Variants in ZBTB20 observed in about 807,000 individuals in gnomAD.
ZBTB20 encodes zinc finger and BTB domain-containing protein 20.
ZBTB20 carries 9 observed loss-of-function variants against 56.9 expected under a neutral mutation model. The ratio of observed to expected loss-of-function variants is 0.16; its 90% CI spans 0.10 to 0.28. The LOEUF (loss-of-function observed/expected upper bound fraction) is 0.28. Ranked by LOEUF, ZBTB20 falls within the 10% of genes least tolerant of loss-of-function variation. ZBTB20 has a pLI of 1.00. For missense variants in ZBTB20, 655 were observed against 1,003.0 expected (o/e 0.65, Z 4.69); for synonymous variants, 417 against 420.7 (o/e 0.99, Z 0.11).
intron 1 of ZBTB20, among the ~76,000 whole-genome samples, chr3:115,095,129 T>C (rs2083333024): frequency 6.6e-6 from 1 of 152,126 alleles, no homozygotes; most frequent in African/African-American, 2.4e-5. Context: ...GTAAACATAT[T>C]ATGCTGTAAT....
intron 5 of ZBTB20, among the ~76,000 whole-genome samples, chr3:114,778,966 G>A (rs750144031): frequency 3.9e-5 from 6 of 152,146 alleles, no homozygotes; most frequent in Non-Finnish European, 8.8e-5. Flanking sequence ...GGAGGCTAAA[G>A]AAATTCTAAT....
At chr3:114,561,168 AT>A (rs1312553165) in intron 6 of ZBTB20, among the ~76,000 whole-genome samples, 1 of 152,118 alleles carries the variant, frequency 6.6e-6, no homozygotes, top group African/African-American at 2.4e-5. Flanking sequence ...TTCTCTTGTT[AT>A]TTTCATCACA....
At chr3:114,449,467 G>A (rs1385369030) in intron 7 of ZBTB20, among the ~76,000 whole-genome samples, 1 of 152,048 alleles carries the variant, frequency 6.6e-6, no homozygotes, top group Non-Finnish European at 1.5e-5. Flanking sequence ...ACCAAGTGAG[G>A]AAACATCAAA....
chr3:114,351,841 G>C lies in ZBTB20; in HGVS notation c.237C>G (p.His79Gln), dbSNP rs1355660200. The change falls in exon 11 of 12, where the codon CAC becomes CAG. Residue 79 changes from histidine to glutamine, a missense_variant. This residue lies in a region of ZBTB20 where 57 missense variants were observed against 99.1 expected (regional missense o/e 0.58). Transcript: ENST00000675478. ...TGCTGAAGTTGTGAAGGTTGATGCT[G>C]TGAATGCGCTCGGTCATCCCCTTGC... ...ISCKGMTERIHSINLHNFSNS... is the reference protein window; with the variant it reads ...ISCKGMTERIQSINLHNFSNS... The C allele has an allele frequency of 5.6e-6, 9 of 1,601,672 alleles. No homozygotes were observed. Among genetic ancestry groups the C allele is most frequent in the Non-Finnish European group, 7.7e-6 (9 of 1,170,040 alleles).
In ZBTB20 at chr3:114,320,715, T is replaced by C. The variant is rs1294804170; in HGVS notation, c.*18290A>G. The C allele has an allele frequency of 6.6e-6, 1 of 152,070 alleles. No homozygotes were observed. The highest frequency in any genetic ancestry group is 1.5e-5 in the Non-Finnish European group (1 of 68,012). 9.4% of individuals were successfully genotyped at this position (152,070 alleles called of 1,614,324 possible). On this transcript the variant is annotated 3_prime_UTR_variant, in exon 12 of 12. Transcript: ENST00000675478. ...GTAGAATTACATATTAATAATATAA[T>C]AAAAAGATATTTCATTAACAGGTTG...
intron 5 of ZBTB20, among the ~76,000 whole-genome samples, chr3:114,732,670 A>C (rs1291187805): frequency 6.6e-6 from 1 of 152,176 alleles, no homozygotes; most frequent in Non-Finnish European, 1.5e-5. Context: ...GTTGTGATAT[A>C]TAATGCCTTT....
At chr3:114,386,298 T>G (rs1439368399) in intron 8 of ZBTB20, among the ~76,000 whole-genome samples, 2 of 152,214 alleles carry the variant, frequency 1.3e-5, no homozygotes, top group African/African-American at 4.8e-5. Flanking sequence ...TTGGCAGGGC[T>G]GATTTATAAT....
At chr3:114,694,233 C>A (rs867871131) in intron 5 of ZBTB20, among the ~76,000 whole-genome samples, 1 of 151,910 alleles carries the variant, frequency 6.6e-6, no homozygotes, top group Non-Finnish European at 1.5e-5. Context: ...AGTCATAGAA[C>A]AACAAAACAA....
intron 4 of ZBTB20, among the ~76,000 whole-genome samples, chr3:114,811,081 T>A (rs1034056972): frequency 1.3e-5 from 2 of 152,220 alleles, no homozygotes; most frequent in African/African-American, 2.4e-5. Flanking sequence ...GCTATGAACT[T>A]TGGAGCTGGA....
chr3:114,465,706 TA>T (rs935402317), intron 7 of ZBTB20, among the ~76,000 whole-genome samples: 192 of 140,198 alleles, frequency 1.4e-3, no homozygotes, highest in Admixed American at 1.4e-3. Context: ...GATTCTGTCT[TA>T]AAAAAAAAAA....
chr3:114,646,548 C>CA (rs927431301), intron 6 of ZBTB20, among the ~76,000 whole-genome samples: 4 of 151,430 alleles, frequency 2.6e-5, no homozygotes, highest in African/African-American at 4.9e-5. Flanking sequence ...TAAAATAAGC[C>CA]AAAAAAAATC....
At chr3:115,111,298 T>C (rs969212960) in intron 1 of ZBTB20, among the ~76,000 whole-genome samples, 3 of 152,000 alleles carry the variant, frequency 2.0e-5, no homozygotes, top group Non-Finnish European at 4.4e-5. Context: ...ACACTGCCCA[T>C]AATGAAATCT....
intron 4 of ZBTB20, among the ~76,000 whole-genome samples, chr3:114,813,481 T>A (rs72956263): frequency 0.016 from 2,503 of 152,316 alleles, 77 homozygotes; most frequent in African/African-American, 0.056. Flanking sequence ...CTAGGCATGG[T>A]GGCTCACATC....
At chr3:114,678,682 C>T (rs772913646) in intron 6 of ZBTB20, among the ~76,000 whole-genome samples, 1 of 151,990 alleles carries the variant, frequency 6.6e-6, no homozygotes, top group Non-Finnish European at 1.5e-5. Context: ...TTAAATGGTT[C>T]GAGTACGTAG....
intron 3 of ZBTB20, among the ~76,000 whole-genome samples, chr3:114,964,582 G>A (rs1003253197): frequency 2.0e-5 from 3 of 152,160 alleles, no homozygotes; most frequent in African/African-American, 7.2e-5. Context: ...GACTATAGCA[G>A]GCTAAATGAA....
At chr3:114,346,276 T>C (rs974487545) in intron 11 of ZBTB20, among the ~76,000 whole-genome samples, 8 of 152,156 alleles carry the variant, frequency 5.3e-5, no homozygotes, top group African/African-American at 1.7e-4. Flanking sequence ...AGACAGGAAA[T>C]AGAGCAAAGA....
chr3:114,656,551 C>G (rs555610828), intron 6 of ZBTB20, among the ~76,000 whole-genome samples: 11 of 152,106 alleles, frequency 7.2e-5, no homozygotes, highest in African/African-American at 2.4e-4. Context: ...TCTCTCTGTT[C>G]TTTACATTAA....
intron 7 of ZBTB20, among the ~76,000 whole-genome samples, chr3:114,393,383 T>C (rs1559730027): frequency 1.3e-5 from 2 of 152,260 alleles, no homozygotes; most frequent in African/African-American, 2.4e-5. Flanking sequence ...ATCTAAAATC[T>C]GATTTACATT....
intron 5 of ZBTB20, among the ~76,000 whole-genome samples, chr3:114,710,878 T>C (rs1416064001): frequency 2.0e-5 from 3 of 152,150 alleles, no homozygotes; most frequent in African/African-American, 7.2e-5. Flanking sequence ...AGCTGGTCCC[T>C]ACTTATCTAC....
Sources: allele counts gnomAD v4.1 joint callset (sites outside exome capture counted in the v4.1 genomes callset), GRCh38; gene constraint gnomAD v4.1.1; regional missense constraint gnomAD v4.1.1; transcripts MANE v1.5; gene names NCBI Gene and HGNC (gene_info 2026-07-23, HGNC 2026-07-21).